The following IPO5 variants were observed in gnomAD, a reference collection of about 807,000 sequenced individuals.
The protein encoded by IPO5 is importin 5, also known as importin-5.
IPO5 carries 18 observed loss-of-function variants against 143.3 expected under a neutral mutation model. The observed-to-expected ratio is 0.13, with a 90% CI of 0.09 to 0.19. The LOEUF is 0.19. IPO5 is among the 10% of genes least tolerant of loss of function. IPO5 has a pLI of 1.00. For synonymous variants in IPO5, 477 were observed against 465.7 expected (o/e 1.02, Z -0.31); for missense variants, 1,013 against 1,336.9 (o/e 0.76, Z 3.78).
At chr13:98,019,389 GCTC>G (rs1890332473) in intron 26 of IPO5, among the ~76,000 whole-genome samples, 189 bp from the exon 27 acceptor site, 1 of 152,206 alleles carries the variant, frequency 6.6e-6, no homozygotes, top group African/African-American at 2.4e-5. Flanking sequence ...GAGGGCTAGT[GCTC>G]CTGTCCATGC....
intron 7 of IPO5, among the ~76,000 whole-genome samples, chr13:97,989,611 C>CT (rs1302872054): frequency 1.6e-4 from 25 of 152,232 alleles, no homozygotes; most frequent in African/African-American, 5.5e-4. Flanking sequence ...ACCAAATAGT[C>CT]TAAGTTTAGA....
intron 20 of IPO5, among the ~76,000 whole-genome samples, chr13:98,010,779 C>CT (rs1219765693): frequency 1.8e-5 from 1 of 55,034 alleles, no homozygotes. Context: ...GAAGGATAAT[C>CT]CTTTTTTTTT....
chr13:97,980,805 C>T (rs981287388), intron 4 of IPO5, among the ~76,000 whole-genome samples: 21 of 142,896 alleles, frequency 1.5e-4, no homozygotes, highest in Non-Finnish European at 1.3e-4. Context: ...CTAGCCTGGG[C>T]GACAGAGTGA....
chr13:97,985,749 TG>T, intron 6 of IPO5, 136 bp downstream of exon 6: 1 of 661,480 alleles, frequency 1.5e-6, no homozygotes, highest in Non-Finnish European at 2.6e-6. Context: ...AATGTGCTTA[TG>T]GATTTTGCAT....
chr13:98,020,463 T>C lies in IPO5; in HGVS notation c.3066-529T>C, dbSNP rs555126883. Reference sequence around the variant, plus strand: ...TGTAACAGCCATCCTGCAGACTACATACTCCTGACCTGCTCCTACATCTGA... The same window carrying C: ...TGTAACAGCCATCCTGCAGACTACACACTCCTGACCTGCTCCTACATCTGA... On this transcript the variant is annotated intron_variant, in intron 27 of 28. Coordinates refer to ENST00000651721, the MANE Select transcript of IPO5 (RefSeq NM_002271.6). Among the ~76,000 whole-genome samples the C allele has an allele frequency of 1.4e-4, 21 of 152,250 alleles. 1 individual carries two copies. Among genetic ancestry groups the C allele is most frequent in the Admixed American group, 1.0e-3 (16 of 15,290 alleles).
intron 2 of IPO5, among the ~76,000 whole-genome samples, chr13:97,969,011 A>C (rs1189269866): frequency 6.6e-6 from 1 of 151,098 alleles, no homozygotes; most frequent in Non-Finnish European, 1.5e-5. Context: ...TTTAGTAAAA[A>C]CGGGTTTTCT....
chr13:97,985,284 A>G (rs1820464910), intron 5 of IPO5, 137 bp from the exon 6 acceptor site: 6 of 666,860 alleles, frequency 9.0e-6, no homozygotes, highest in Non-Finnish European at 1.3e-5. Context: ...AAGTCTGTAT[A>G]ATAGACTAAT....
intron 5 of IPO5, among the ~76,000 whole-genome samples, chr13:97,985,124 ATTTG>A (rs1423755112): frequency 1.3e-5 from 2 of 152,164 alleles, no homozygotes. Flanking sequence ...ACAATTTAAG[ATTTG>A]TTTTTCTCCC....
chr13:97,992,195 G>A (rs1887862152), intron 9 of IPO5, among the ~76,000 whole-genome samples: 1 of 152,126 alleles, frequency 6.6e-6, no homozygotes, highest in African/African-American at 2.4e-5. Flanking sequence ...TCTAATCCCG[G>A]TTTTCTTCCT....
chr13:98,013,268 G>A (rs1223989036), intron 21 of IPO5, among the ~76,000 whole-genome samples: 2 of 151,916 alleles, frequency 1.3e-5, no homozygotes, highest in East Asian at 1.9e-4. Flanking sequence ...AAGTAGAGAC[G>A]GGCTTTCACC....
chr13:98,006,274 A>G lies in IPO5; in HGVS notation c.1642A>G (p.Lys548Glu). Reference protein sequence around the residue: ...LKHIVENAVQKELRLLRGKTI... With the variant: ...LKHIVENAVQEELRLLRGKTI... ...GCACATCGTTGAGAATGCGGTTCAA[A>G]AAGAACTGAGACTTCTGAGAGGAAA... Residue 548 changes from lysine (K) to glutamate (E), a missense_variant, in exon 17 of 29, where the codon AAA becomes GAA. Physicochemically the swap from Lys to Glu is moderately conservative, Grantham distance 56. This residue lies in a region of IPO5 where 685 missense variants were observed against 994.9 expected (regional missense o/e 0.69). Coordinates refer to ENST00000651721, the MANE Select transcript of IPO5 (RefSeq NM_002271.6). 6.2e-7 allele frequency: 1 copy of G among 1,613,876 alleles called. No individual in the cohort carries two copies.
At chr13:98,020,113 T>G (rs533405701) in intron 27 of IPO5, among the ~76,000 whole-genome samples, 13 of 152,320 alleles carry the variant, frequency 8.5e-5, no homozygotes, top group African/African-American at 3.1e-4. Context: ...TTAACTGTTT[T>G]GCACAGGCAG....
At chr13:97,953,963 T>C in intron 1 of IPO5, 156 bp from the exon 2 acceptor site, 1 of 455,128 alleles carries the variant, frequency 2.2e-6, no homozygotes, top group South Asian at 1.6e-5. Flanking sequence ...TGGCTCATTG[T>C]TCTTTGGTAT....
At chr13:97,974,801 T>C (rs1414582745) in intron 3 of IPO5, among the ~76,000 whole-genome samples, 10 of 151,532 alleles carry the variant, frequency 6.6e-5, no homozygotes. Flanking sequence ...ATCTAAGAAA[T>C]ATAAATTCAA....
chr13:98,020,830 AT>A (rs1347139953), intron 27 of IPO5, among the ~76,000 whole-genome samples, 161 bp from the exon 28 acceptor site: 7 of 150,250 alleles, frequency 4.7e-5, no homozygotes, highest in Non-Finnish European at 7.4e-5. Context: ...TGAGCCCAGT[AT>A]TTTTTTTTTC....
chr13:97,957,861 T>C (rs1285288274), intron 2 of IPO5, among the ~76,000 whole-genome samples: 1 of 152,028 alleles, frequency 6.6e-6, no homozygotes, highest in Non-Finnish European at 1.5e-5. Flanking sequence ...CCCTGTCTTC[T>C]GTAATCCCAG....
intron 16 of IPO5, 146 bp downstream of exon 16, chr13:98,003,183 A>T (rs1594104421): frequency 4.4e-6 from 3 of 683,028 alleles, no homozygotes; most frequent in Non-Finnish European, 2.5e-6. Context: ...GGAGTTGTGG[A>T]ATGATGAGTA....
intron 2 of IPO5, among the ~76,000 whole-genome samples, chr13:97,966,063 C>G (rs1428552067): frequency 2.0e-5 from 3 of 147,638 alleles, no homozygotes; most frequent in Non-Finnish European, 3.0e-5. Context: ...ATCGCTTGAA[C>G]CAGGGAGATG....
At chr13:97,966,791 C>A (rs1240818778) in intron 2 of IPO5, among the ~76,000 whole-genome samples, 1 of 152,294 alleles carries the variant, frequency 6.6e-6, no homozygotes, top group South Asian at 2.1e-4. Flanking sequence ...GTAGTCAAAG[C>A]ACTTTGAGAG....
Sources: gnomAD v4.1 joint callset for allele counts (sites outside exome capture counted in the v4.1 genomes callset) on GRCh38, gnomAD v4.1.1 for gene constraint, gnomAD v4.1.1 regional missense constraint, MANE v1.5 for transcripts, NCBI Gene and HGNC (gene_info 2026-07-23, HGNC 2026-07-21) for gene names.